The following HECTD4 variants were observed in gnomAD, a reference collection of about 807,000 sequenced individuals.
HECTD4 encodes the protein probable E3 ubiquitin-protein ligase HECTD4.
Under a neutral mutation model 471.5 loss-of-function variants are expected in HECTD4, and 114 were observed. That is an observed-to-expected ratio of 0.24 (90% CI 0.21 to 0.28). The LOEUF (loss-of-function observed/expected upper bound fraction) is 0.28, where lower values mean the gene tolerates loss of function less well. HECTD4 is among the 10% of genes least tolerant of loss of function. The probability of loss-of-function intolerance (pLI) is 1.00; values close to 1 mark genes in which losing one functional copy is unlikely to be tolerated. For synonymous variants in HECTD4, 2,012 were observed against 2,256.0 expected (o/e 0.89, Z 3.07); for missense variants, 3,866 against 5,651.5 (o/e 0.68, Z 10.13).
At chr12:112,295,148 A>AAG (rs111979624) in intron 7 of HECTD4, among the ~76,000 whole-genome samples, 1 of 150,068 alleles carries the variant, frequency 6.7e-6, no homozygotes, top group African/African-American at 2.5e-5. Context: ...GAAAAAAAAA[A>AAG]AGAGAGAGAA....
chr12:112,167,264 TGGCGGGGAGGCCCC>T (rs2137000920), intron 72 of HECTD4, 39 bp downstream of exon 72: 2 of 1,500,492 alleles, frequency 1.3e-6, no homozygotes, highest in Non-Finnish European at 1.8e-6. Flanking sequence ...CTAAGCAAGG[TGGCGGGGAGGCCCC>T]GGGTTCTGCA....
chr12:112,333,718 G>T (rs1016428281), intron 1 of HECTD4, among the ~76,000 whole-genome samples: 2 of 152,044 alleles, frequency 1.3e-5, no homozygotes, highest in Admixed American at 1.3e-4. Flanking sequence ...TAATGCAAGG[G>T]ATAGAAAAAC....
intron 7 of HECTD4, among the ~76,000 whole-genome samples, chr12:112,284,916 A>C (rs951145805): frequency 2.6e-5 from 4 of 151,884 alleles, no homozygotes; most frequent in Non-Finnish European, 5.9e-5. Context: ...CTGAACCCTC[A>C]ATCTCCCCAG....
chr12:112,180,308 A>G (rs910420407), intron 62 of HECTD4, among the ~76,000 whole-genome samples: 22 of 152,276 alleles, frequency 1.4e-4, no homozygotes, highest in Admixed American at 9.8e-4. Context: ...AGCACTTTGG[A>G]AGGCTGAGGC....
intron 17 of HECTD4, among the ~76,000 whole-genome samples, chr12:112,262,384 C>T (rs1448136391): frequency 2.0e-5 from 3 of 151,452 alleles, no homozygotes; most frequent in African/African-American, 4.9e-5. Flanking sequence ...TACAGATGGG[C>T]GCACATCTGT....
chr12:112,377,271 A>AT (rs1337083238), intron 1 of HECTD4, among the ~76,000 whole-genome samples: 1 of 151,776 alleles, frequency 6.6e-6, no homozygotes, highest in Non-Finnish European at 1.5e-5. Flanking sequence ...CCCAACTCTA[A>AT]TAAAAAAAAA....
rs58061315 is a variant in HECTD4, at chr12:112,328,110, C to CTATTTATT, written c.178-8376_178-8369dup. ...CTAGACTTGCAACCTCAATGTAAAA[C>CTATTTATT]TATTTATTTATTTATTTATTTATTT... On this transcript the variant is annotated intron_variant, in intron 1 of 75. Transcript: ENST00000682272. 0.042 allele frequency among the ~76,000 whole-genome samples: 6,091 copies of CTATTTATT among 145,730 alleles called. 719 individuals carry two copies. In the East Asian group the frequency reaches 0.47, roughly 11 times the overall value.
chr12:112,238,298 G>A (rs1038574956), intron 34 of HECTD4, among the ~76,000 whole-genome samples: 6 of 151,582 alleles, frequency 4.0e-5, no homozygotes, highest in Non-Finnish European at 5.9e-5. Context: ...CTGCAGCCTC[G>A]ACCTCCCTGG....
chr12:112,377,677 C>T (rs1249594442), intron 1 of HECTD4, among the ~76,000 whole-genome samples: 1 of 152,144 alleles, frequency 6.6e-6, no homozygotes, highest in Non-Finnish European at 1.5e-5. Flanking sequence ...TCGAGACCAG[C>T]CTGGCCAACA....
At chr12:112,211,531 GAAAA>G (rs550197035) in intron 49 of HECTD4, among the ~76,000 whole-genome samples, 1 of 140,170 alleles carries the variant, frequency 7.1e-6, no homozygotes, top group African/African-American at 2.6e-5. Flanking sequence ...CCTGAAGGGG[GAAAA>G]AAAAAAAAAA....
At chr12:112,286,233 A>C (rs1415039526) in intron 7 of HECTD4, among the ~76,000 whole-genome samples, 1 of 152,216 alleles carries the variant, frequency 6.6e-6, no homozygotes, top group Non-Finnish European at 1.5e-5. Flanking sequence ...GAGGAGTGAG[A>C]AGCAGCCCAG....
At chr12:112,267,850 C>T (rs2034314157) in intron 13 of HECTD4, among the ~76,000 whole-genome samples, 1 of 152,192 alleles carries the variant, frequency 6.6e-6, no homozygotes, top group African/African-American at 2.4e-5. Flanking sequence ...ATCTCACTGT[C>T]ACCCAGGCTG....
At chr12:112,175,245 G>A (rs1015942391) in intron 66 of HECTD4, among the ~76,000 whole-genome samples, 6 of 152,176 alleles carry the variant, frequency 3.9e-5, no homozygotes, top group African/African-American at 1.4e-4. Context: ...GGTGATTCAG[G>A]TTAAAAGAGG....
Position 112,163,201 on chromosome 12 carries a change from C to A in HECTD4, c.12961G>T (p.Ala4321Ser), listed in dbSNP as rs1213818696. 3.1e-6 allele frequency: 5 copies of A among 1,613,882 alleles called. No homozygotes were observed. Among genetic ancestry groups the A allele is most frequent in the Non-Finnish European group, 4.2e-6 (5 of 1,179,820 alleles). The stretch of plus-strand genomic sequence containing the variant: ...TCCTCCTGGGTGAACATCTCCAGGG[C>A]CCCCCAGAAGAACTCGATGTGCTGG... ...TDQHIEFFWG[A>S]LEMFTQEELC... The change falls in exon 75 of 76, where the codon GCC (alanine) becomes TCC (serine). Residue 4321 changes from alanine to serine, a missense_variant. Ala to Ser is a moderately conservative substitution (Grantham distance 99). Transcript: ENST00000682272. The surrounding 1 kb of genome is among the most constrained non-coding windows in gnomAD (Gnocchi z 8.2).
At chr12:112,186,603 T>C (rs2137031013) in intron 60 of HECTD4, among the ~76,000 whole-genome samples, 1 of 151,688 alleles carries the variant, frequency 6.6e-6, no homozygotes, top group East Asian at 1.9e-4. Context: ...TCTCCCAAAG[T>C]ACTGGGATTA....
intron 32 of HECTD4, among the ~76,000 whole-genome samples, chr12:112,242,748 T>C (rs971495834): frequency 2.0e-5 from 3 of 151,520 alleles, no homozygotes. Context: ...CCATCTCTAC[T>C]AAAAATATAA....
intron 27 of HECTD4, among the ~76,000 whole-genome samples, 185 bp downstream of exon 27, chr12:112,247,882 T>C (rs2033795313): frequency 6.6e-6 from 1 of 152,172 alleles, no homozygotes; most frequent in Non-Finnish European, 1.5e-5. Flanking sequence ...ATTTGTATAC[T>C]GCATGTTGAT....
chr12:112,255,875 G>C (rs2033996946), intron 21 of HECTD4, among the ~76,000 whole-genome samples: 2 of 152,110 alleles, frequency 1.3e-5, no homozygotes, highest in Non-Finnish European at 1.5e-5. Flanking sequence ...ATATAAACCA[G>C]ATCCTAGCAC....
intron 11 of HECTD4, among the ~76,000 whole-genome samples, chr12:112,270,813 T>G (rs1421843686): frequency 6.6e-6 from 1 of 152,194 alleles, no homozygotes; most frequent in African/African-American, 2.4e-5. Context: ...GTCACACAGC[T>G]AAGAAGTGGT....
Sources: allele counts gnomAD v4.1 joint callset (sites outside exome capture counted in the v4.1 genomes callset), GRCh38; gene constraint gnomAD v4.1.1; non-coding constraint Gnocchi (gnomAD v3.1); transcripts MANE v1.5; gene names NCBI Gene and HGNC (gene_info 2026-07-23, HGNC 2026-07-21).